The following KCNIP4 variants were observed in gnomAD, a reference collection of about 807,000 sequenced individuals.
KCNIP4 encodes the protein Kv channel-interacting protein 4.
KCNIP4 carries 12 observed loss-of-function variants against 34.0 expected under a neutral mutation model. That is an observed-to-expected ratio of 0.35 (90% CI 0.23 to 0.57). KCNIP4 has a LOEUF of 0.57. KCNIP4 is among the 20% of genes least tolerant of loss of function. The probability of loss-of-function intolerance (pLI) is 0.83; values close to 1 mark genes in which losing one functional copy is unlikely to be tolerated. For synonymous variants in KCNIP4, 124 were observed against 102.2 expected, an observed-to-expected ratio of 1.21 and a Z score of -1.29; for missense variants, 238 against 311.7, an observed-to-expected ratio of 0.76 and a Z score of 1.78.
At chr4:21,192,287 A>C (rs11937253) in intron 1 of KCNIP4, among the ~76,000 whole-genome samples, 14,632 of 152,128 alleles carry the variant, frequency 0.096, 2,250 homozygotes, top group African/African-American at 0.33. Context: ...TACACTCTTG[A>C]GGAAAACACT....
At chr4:21,190,121 G>T (rs1463140737) in intron 1 of KCNIP4, among the ~76,000 whole-genome samples, 1 of 152,148 alleles carries the variant, frequency 6.6e-6, no homozygotes, top group African/African-American at 2.4e-5. Context: ...TACTAATTTT[G>T]CATGTTCCCA....
At chr4:21,215,284 T>C (rs1032392747) in intron 1 of KCNIP4, among the ~76,000 whole-genome samples, 13 of 152,170 alleles carry the variant, frequency 8.5e-5, no homozygotes, top group Admixed American at 6.6e-4. Flanking sequence ...TTAATGAAGA[T>C]ACTTCAATTA....
intron 1 of KCNIP4, among the ~76,000 whole-genome samples, chr4:21,147,706 A>AGGTG (rs1342687623): frequency 6.6e-6 from 1 of 152,078 alleles, no homozygotes; most frequent in Non-Finnish European, 1.5e-5. Flanking sequence ...TGGGAGGCCA[A>AGGTG]GGTGGGTGGA....
At chr4:21,437,330 A>C (rs1246139807) in intron 1 of KCNIP4, among the ~76,000 whole-genome samples, 2 of 152,222 alleles carry the variant, frequency 1.3e-5, no homozygotes, top group East Asian at 3.8e-4. Flanking sequence ...TTTCAAAGCA[A>C]GGCATACTTT....
intron 1 of KCNIP4, among the ~76,000 whole-genome samples, chr4:21,663,866 T>A (rs544742525): frequency 6.6e-6 from 1 of 152,344 alleles, no homozygotes; most frequent in East Asian, 1.9e-4. Flanking sequence ...TAAAGAATGA[T>A]GTTGCAACTT....
At chr4:21,809,726 T>C (rs1028419181) in intron 1 of KCNIP4, among the ~76,000 whole-genome samples, 7 of 152,156 alleles carry the variant, frequency 4.6e-5, no homozygotes, top group African/African-American at 1.7e-4. Context: ...TTTAATTCTT[T>C]TTTGTTATTT....
intron 1 of KCNIP4, among the ~76,000 whole-genome samples, chr4:21,597,116 A>T (rs112386830): frequency 5.9e-5 from 9 of 152,170 alleles, no homozygotes; most frequent in African/African-American, 2.2e-4. Context: ...CTCAAATCTC[A>T]TCTTGAATTG....
intron 1 of KCNIP4, among the ~76,000 whole-genome samples, chr4:21,696,526 T>C (rs1284425440): frequency 6.6e-6 from 1 of 152,160 alleles, no homozygotes; most frequent in Admixed American, 6.5e-5. Context: ...AAAGTGTGTG[T>C]CCTGTTAACC....
At chr4:21,601,801 C>T (rs1743186087) in intron 1 of KCNIP4, among the ~76,000 whole-genome samples, 1 of 152,124 alleles carries the variant, frequency 6.6e-6, no homozygotes, top group Non-Finnish European at 1.5e-5. Context: ...TCAGAACCTT[C>T]CTGTAGCTTT....
chr4:21,228,371 C>T (rs959807033), intron 1 of KCNIP4, among the ~76,000 whole-genome samples: 3 of 152,142 alleles, frequency 2.0e-5, no homozygotes, highest in African/African-American at 7.2e-5. Flanking sequence ...TTGTAAGTTT[C>T]CTGAGGCCTC....
At chr4:21,438,971 G>C (rs1297751701) in intron 1 of KCNIP4, among the ~76,000 whole-genome samples, 1 of 152,042 alleles carries the variant, frequency 6.6e-6, no homozygotes, top group African/African-American at 2.4e-5. Flanking sequence ...GACCATCCTG[G>C]CTAACATGGT....
At chr4:20,807,168 A>AT (rs1715202598) in intron 3 of KCNIP4, among the ~76,000 whole-genome samples, 1 of 152,166 alleles carries the variant, frequency 6.6e-6, no homozygotes, top group Non-Finnish European at 1.5e-5. Flanking sequence ...CATTTATGAC[A>AT]TTTGGCCAAG....
intron 1 of KCNIP4, among the ~76,000 whole-genome samples, chr4:21,598,014 A>T (rs1165076217): frequency 6.6e-6 from 1 of 152,136 alleles, no homozygotes; most frequent in Non-Finnish European, 1.5e-5. Context: ...GGGAGGGTAA[A>T]TTATTTCGGT....
At chr4:21,075,728 C>T (rs1353486664) in intron 1 of KCNIP4, among the ~76,000 whole-genome samples, 1 of 152,104 alleles carries the variant, frequency 6.6e-6, no homozygotes, top group Non-Finnish European at 1.5e-5. Context: ...CAGTTTCTTC[C>T]TAGCATCGAT....
At chr4:20,917,295 T>A (rs997925946) in intron 1 of KCNIP4, among the ~76,000 whole-genome samples, 38 of 151,888 alleles carry the variant, frequency 2.5e-4, no homozygotes, top group African/African-American at 8.9e-4. Context: ...CCCAAAGTGC[T>A]GGGATTACAG....
chr4:21,238,222 A>G (rs1343542774), intron 1 of KCNIP4, among the ~76,000 whole-genome samples: 3 of 152,204 alleles, frequency 2.0e-5, no homozygotes, highest in East Asian at 1.9e-4. Flanking sequence ...TATTGATGGG[A>G]TGTATCTCAA....
At chr4:21,826,557 A>G (rs1722689617) in intron 1 of KCNIP4, among the ~76,000 whole-genome samples, 1 of 152,104 alleles carries the variant, frequency 6.6e-6, no homozygotes, top group South Asian at 2.1e-4. Context: ...AAGCTATAAG[A>G]CTTAATCAAA....
At chr4:20,829,397 CAG>C (rs565615780) in intron 3 of KCNIP4, among the ~76,000 whole-genome samples, 166 of 152,036 alleles carry the variant, frequency 1.1e-3, no homozygotes, top group Admixed American at 2.6e-3. Context: ...TTAGTAGAGA[CAG>C]GGTTTCACCA....
intron 3 of KCNIP4, among the ~76,000 whole-genome samples, chr4:20,846,676 AAC>A (rs1300853403): frequency 2.6e-5 from 4 of 151,872 alleles, no homozygotes; most frequent in Non-Finnish European, 4.4e-5. Flanking sequence ...GCGCACACAC[AAC>A]ACACACACAC....
Sources: gnomAD v4.1 joint callset for allele counts (sites outside exome capture counted in the v4.1 genomes callset) on GRCh38, gnomAD v4.1.1 for gene constraint, MANE v1.5 for transcripts, NCBI Gene and HGNC (gene_info 2026-07-23, HGNC 2026-07-21) for gene names.